PKD1: variants seen among roughly 807,000 people sequenced by gnomAD.
PKD1 encodes polycystin-1.
PKD1 carries 81 observed loss-of-function variants against 361.7 expected under a neutral mutation model. The observed-to-expected ratio is 0.22, with a 90% confidence interval of 0.19 to 0.27. The LOEUF is 0.27. Among genes scored for constraint, PKD1 ranks in the 10% least tolerant of loss-of-function variants. The pLI is 1.00. For missense variants in PKD1, 6,399 were observed against 6,118.3 expected (o/e 1.05, Z -1.53); for synonymous variants, 3,615 against 2,818.3 (o/e 1.28, Z -8.95).
intron 1 of PKD1, among the ~76,000 whole-genome samples, chr16:2,127,397 C>G (rs1330479254): frequency 6.6e-6 from 1 of 152,206 alleles, no homozygotes; most frequent in Non-Finnish European, 1.5e-5. Flanking sequence ...CTTGTGAGCC[C>G]CCACAGCCAC....
intron 1 of PKD1, among the ~76,000 whole-genome samples, chr16:2,127,928 GC>G: frequency 4.6e-5 from 4 of 86,746 alleles, no homozygotes; most frequent in African/African-American, 8.6e-5. Context: ...GGAGGGGCTG[GC>G]AGGGAGGGAG....
rs751776839 is a variant in PKD1 at position 2,090,723 on chromosome 16, G to A, written c.12089C>T (p.Thr4030Ile). Residue 4030 changes from threonine (T) to isoleucine (I), a missense_variant, in exon 44 of 46, where the codon ACC (threonine) becomes ATC (isoleucine). By Grantham distance (89) the Thr-to-Ile change is moderately conservative. Transcript: ENST00000262304. ...CRALPELLGV[T>I]LGLVVLGVAY... ...TACCCCGAGCACCACCAGGCCCAAGGTGACCCCCAGGAGCTCTGGCAGAGC... is the reference window on the plus strand; with the variant it reads ...TACCCCGAGCACCACCAGGCCCAAGATGACCCCCAGGAGCTCTGGCAGAGC... The A allele has an allele frequency of 4.3e-5, 69 of 1,612,512 alleles. No individual in the cohort carries two copies. Among genetic ancestry groups the A allele is most frequent in the Middle Eastern group, 1.6e-4 (1 of 6,084 alleles).
In PKD1 at chr16:2,112,320, C is replaced by T. The variant is rs773680736; in HGVS notation, c.3295+20G>A. 20 of 1,581,946 alleles carry T rather than the reference C, an allele frequency of 1.3e-5. No homozygotes were observed. The highest frequency in any genetic ancestry group is 2.2e-5 in the East Asian group (1 of 44,716). On this transcript the variant is annotated intron_variant, in intron 14 of 45. Coordinates refer to ENST00000262304, the MANE Select transcript of PKD1 (RefSeq NM_001009944.3). Reference sequence around the variant, plus strand: ...TCAGAGCCTGAAAGGCAGTGGCCCCCTCACCCCCTCATCCCTCACCTGGGG... The same window carrying T: ...TCAGAGCCTGAAAGGCAGTGGCCCCTTCACCCCCTCATCCCTCACCTGGGG...
rs772107267 is a variant in PKD1 at position 2,105,450 on chromosome 16, C to T, written c.7888G>A (p.Ala2630Thr). 6.3e-6 allele frequency: 10 copies of T among 1,593,566 alleles called. No homozygotes were observed. The highest frequency in any genetic ancestry group is 5.0e-5 in the Admixed American group (3 of 59,988). The part of the protein sequence containing the change: ...NEYERALDVA[A>T]EPKHERQHRA... The stretch of plus-strand genomic sequence containing the variant: ...TGCTGCCGCTCGTGCTTGGGCTCTG[C>T]CGCCACGTCCAGGGCCCGCTCGTAC... Residue 2630 changes from alanine to threonine, a missense_variant, in exon 21 of 46, where the codon GCA (alanine) becomes ACA (threonine). By Grantham distance (58) the Ala-to-Thr change is moderately conservative. Transcript: ENST00000262304.
chr16:2,117,564 T>C lies in PKD1; in HGVS notation c.1310A>G (p.Gln437Arg), dbSNP rs3893751. The part of the protein sequence containing the change: ...AAWLQAQEQC[Q>R]AWAGAALAMV... ...TGCCAGGGCGGCCCCGGCCCAGGCC[T>C]GACACTGCTCCTGCGCCTGCAGCCA... Residue 437 changes from glutamine (Q) to arginine (R), a missense_variant, in exon 6 of 46, where the codon CAG (glutamine) becomes CGG (arginine). Coordinates refer to ENST00000262304, the MANE Select transcript of PKD1 (RefSeq NM_001009944.3). 4.4e-6 allele frequency: 7 copies of C among 1,605,970 alleles called. No individual in the cohort carries two copies. In the African/African-American group the frequency reaches 6.7e-5, roughly 15 times the overall value.
In PKD1 at chr16:2,108,609, G is replaced by A. The variant is rs1412096726; in HGVS notation, c.6558C>T (p.Arg2186=). ...AGCTGGCGGTGCGATACACCTCCCA[G>A]CGGTACTCAGTCTGGTAGGTGACGC... ...RDCVTYQTEY[R]WEVYRTASCQ... The change falls in exon 15 of 46, where the codon CGC becomes CGT. Residue 2186 remains arginine, a synonymous_variant. Coordinates refer to ENST00000262304, the MANE Select transcript of PKD1 (RefSeq NM_001009944.3). The A allele has an allele frequency of 4.5e-6, 7 of 1,558,802 alleles. No homozygotes were observed. In the South Asian group the frequency reaches 8.2e-5, roughly 18 times the overall value.
intron 42 of PKD1, 34 bp downstream of exon 42, chr16:2,091,389 G>A (rs2091566303): frequency 9.2e-7 from 1 of 1,087,320 alleles, no homozygotes; most frequent in Non-Finnish European, 1.1e-6. Flanking sequence ...CGCTGCCGGT[G>A]GGAGGCGCGG....
Position 2,090,830 on chromosome 16 carries a change from G to A in PKD1, c.12004-22C>T, listed in dbSNP as rs2855366. On this transcript the variant is annotated intron_variant, in intron 43 of 45. Coordinates refer to ENST00000262304, the MANE Select transcript of PKD1 (RefSeq NM_001009944.3). ...CAGCCTGCGGACGAGAAATCTGTCT[G>A]CTTGCAGCCCTGGGGTGTGCGCCCA... The A allele has an allele frequency of 5.0e-6, 8 of 1,611,638 alleles. No individual in the cohort carries two copies. The East Asian group carries it at 1.8e-4, about 36-fold the overall frequency.
At chr16:2,123,558 G>C (rs1567223507) in intron 1 of PKD1, 1 of 455,146 alleles carries the variant, frequency 2.2e-6, no homozygotes. Context: ...CCTCGCGCCA[G>C]CCCCCCCACC....
At chr16:2,112,526 C>T (rs1309257898) in intron 13 of PKD1, 53 bp from the exon 14 acceptor site, 36 of 1,238,442 alleles carry the variant, frequency 2.9e-5, no homozygotes, top group Non-Finnish European at 3.5e-5. Flanking sequence ...TGGGCGGTGG[C>T]GGGGCAGGGG....
intron 1 of PKD1, among the ~76,000 whole-genome samples, chr16:2,128,350 G>C (rs1335249537): frequency 1.4e-5 from 2 of 146,158 alleles, no homozygotes; most frequent in African/African-American, 5.2e-5. Flanking sequence ...GGAGAGGTGG[G>C]AGGGGCTGGC....
At position 2,116,040 on chromosome 16, in the gene PKD1, G is replaced by A. The variant is rs1465359418; in HGVS notation, c.1801C>T (p.Arg601Trp). The change falls in exon 9 of 46, where the codon CGG becomes TGG. Residue 601 changes from arginine (R) to tryptophan (W), a missense_variant. Coordinates refer to ENST00000262304, the MANE Select transcript of PKD1 (RefSeq NM_001009944.3). ...ACCTGCAGCCGCAGCTGGGCGGGCC[G>A]CCGGAGCTCCTGGGTCCCAAATTCG... is the stretch of plus-strand genomic sequence containing the variant. ...TAEFGTQELR[R>W]PAQLRLQVYR... 5.5e-5 allele frequency: 80 copies of A among 1,456,268 alleles called. No homozygotes were observed. Among genetic ancestry groups the A allele is most frequent in the East Asian group, 6.0e-5 (2 of 33,154 alleles). The allele number at this position is 1,456,268 out of a possible 1,614,324, so 90.2% of individuals were successfully genotyped here. A position where few individuals can be genotyped will look rare whatever the true frequency, so the allele number is the denominator to read the frequency against.
chr16:2,114,601 TGGACACGCCATTGCCCACCTCTGCCC>T lies in PKD1; in HGVS notation c.2396_2421del (p.Arg799GlnfsTer9), dbSNP rs2092598385. The T allele has an allele frequency of 6.3e-7, 1 of 1,588,624 alleles. No homozygotes were observed. The highest frequency in any genetic ancestry group is 8.5e-7 in the Non-Finnish European group (1 of 1,176,272). ...TCAAAGCTGCAGGAGAGGTTGTGCC[TGGACACGCCATTGCCCACCTCTGCCC>T]GGACCTCATAGCGCCCAGGCAGCCG... On this transcript the variant is annotated frameshift_variant, in exon 11 of 46. Coordinates refer to ENST00000262304, the MANE Select transcript of PKD1 (RefSeq NM_001009944.3). LOFTEE classifies it high-confidence loss of function.
intron 26 of PKD1, among the ~76,000 whole-genome samples, chr16:2,101,418 C>A (rs2092091438): frequency 6.6e-6 from 1 of 152,114 alleles, no homozygotes; most frequent in Non-Finnish European, 1.5e-5. Flanking sequence ...CAGGCCGAGG[C>A]AGGCGGATCA....
In PKD1 at chr16:2,100,372, G is replaced by A. The variant is rs1326652674; in HGVS notation, c.9568+24C>T. Reference sequence around the variant, plus strand: ...GCCCCAATGCGGGGGCAGAGGGGCAGAGCTTGGCAGGGTCCGCACAAACCT... The same window carrying A: ...GCCCCAATGCGGGGGCAGAGGGGCAAAGCTTGGCAGGGTCCGCACAAACCT... On this transcript the variant is annotated intron_variant, in intron 27 of 45. Coordinates refer to ENST00000262304, the MANE Select transcript of PKD1 (RefSeq NM_001009944.3). The surrounding 1 kb of genome is among the most constrained non-coding windows in gnomAD (Gnocchi z 4.4). 6.2e-7 allele frequency: 1 copy of A among 1,611,182 alleles called. No homozygotes were observed. Among genetic ancestry groups the A allele is most frequent in the East Asian group, 2.2e-5 (1 of 44,874 alleles).
In PKD1 at chr16:2,093,041, C is replaced by T; in HGVS notation, c.11069G>A (p.Gly3690Glu). The change falls in exon 38 of 46, where the codon GGG becomes GAG. Residue 3690 changes from glycine (G) to glutamate (E), a missense_variant. Coordinates refer to ENST00000262304, the MANE Select transcript of PKD1 (RefSeq NM_001009944.3). ...GGCGTGCCCATGGCATGAGGCATCCCCATAGCTGGCCAGCAGGGTCACCAG... is the reference window on the plus strand; with the variant it reads ...GGCGTGCCCATGGCATGAGGCATCCTCATAGCTGGCCAGCAGGGTCACCAG... ...FLLVTLLASY[G>E]DASCHGHAYR... is the part of the protein sequence containing the mutation. 1 of 1,612,880 alleles carries T rather than the reference C, an allele frequency of 6.2e-7. No individual in the cohort carries two copies. The highest frequency in any genetic ancestry group is 8.5e-7 in the Non-Finnish European group (1 of 1,179,962).
chr16:2,128,783 C>A (rs1445491577), intron 1 of PKD1, among the ~76,000 whole-genome samples: 1 of 152,112 alleles, frequency 6.6e-6, no homozygotes, highest in Non-Finnish European at 1.5e-5. Flanking sequence ...TGCCTCACTG[C>A]GACCTCTGCC....
rs377025941 is a variant in PKD1, at chr16:2,090,445, A to G, written c.12284T>C (p.Leu4095Pro). ...AGCCCCCAGCCGTAGGGCGCCCCAC[A>G]GCCGCAGTGCCCAGAGCCCCACACA... Reference protein sequence around the residue: ...LLCVGLWALRLWGALRLGAVI... With the variant: ...LLCVGLWALRPWGALRLGAVI... Residue 4095 changes from leucine (L) to proline (P), a missense_variant, in exon 45 of 46, where the codon CTG (leucine) becomes CCG (proline). Coordinates refer to ENST00000262304, the MANE Select transcript of PKD1 (RefSeq NM_001009944.3). 32 of 1,612,372 alleles carry G rather than the reference A, an allele frequency of 2.0e-5. No homozygotes were observed. Among genetic ancestry groups the G allele is most frequent in the African/African-American group, 2.7e-5 (2 of 74,916 alleles).
chr16:2,126,100 G>A (rs2092796761), intron 1 of PKD1, among the ~76,000 whole-genome samples: 2 of 152,158 alleles, frequency 1.3e-5, no homozygotes, highest in Admixed American at 6.5e-5. Context: ...CGGGGCAGCC[G>A]GAATCCCATC....
Sources: gnomAD v4.1 joint callset for allele counts (sites outside exome capture counted in the v4.1 genomes callset) on GRCh38, gnomAD v4.1.1 for gene constraint, Gnocchi (gnomAD v3.1) non-coding constraint, MANE v1.5 for transcripts, NCBI Gene and HGNC (gene_info 2026-07-23, HGNC 2026-07-21) for gene names.